Variants in MCC observed in about 807,000 individuals in gnomAD.
MCC encodes MCC regulator of Wnt signaling pathway.
MCC carries 90 observed loss-of-function variants against 116.2 expected under a neutral mutation model. The observed-to-expected ratio is 0.77, with a 90% CI of 0.65 to 0.92. MCC has a LOEUF of 0.92. Ranked by LOEUF, MCC falls within the 40% of genes least tolerant of loss-of-function variation. The probability of loss-of-function intolerance (pLI) is 0.00; values close to 1 mark genes in which losing one functional copy is unlikely to be tolerated. For missense variants in MCC, 1,516 were observed against 1,312.2 expected, an observed-to-expected ratio of 1.16 and a Z score of -2.40; for synonymous variants, 578 against 510.5, an observed-to-expected ratio of 1.13 and a Z score of -1.78.
intron 8 of MCC, among the ~76,000 whole-genome samples, chr5:113,095,829 C>A (rs7708630): frequency 0.16 from 24,875 of 151,948 alleles, 3,180 homozygotes; most frequent in African/African-American, 0.36. Flanking sequence ...GAGAGGAGTT[C>A]AGTCTGCAAA....
At chr5:113,302,616 A>T (rs925644849) in intron 3 of MCC, among the ~76,000 whole-genome samples, 2 of 152,196 alleles carry the variant, frequency 1.3e-5, no homozygotes, top group Non-Finnish European at 2.9e-5. Flanking sequence ...ATATTAAAAT[A>T]TTTAGGGGTA....
intron 3 of MCC, among the ~76,000 whole-genome samples, chr5:113,202,763 G>A (rs1762738677): frequency 6.9e-6 from 1 of 144,006 alleles, no homozygotes; most frequent in Non-Finnish European, 1.5e-5. Context: ...CAGCCCCAAT[G>A]CAGATGAAAG....
intron 1 of MCC, among the ~76,000 whole-genome samples, chr5:113,425,216 CA>C (rs1770450167): frequency 6.6e-6 from 1 of 152,142 alleles, no homozygotes; most frequent in Non-Finnish European, 1.5e-5. Flanking sequence ...CTTTTCATAG[CA>C]ATACTGAGTG....
chr5:113,389,703 C>T (rs867370197), intron 1 of MCC, among the ~76,000 whole-genome samples: 1 of 152,164 alleles, frequency 6.6e-6, no homozygotes, highest in South Asian at 2.1e-4. Context: ...TACGTCAATT[C>T]CCTTTGAGAT....
rs942493752 is a variant in MCC at position 113,171,892 on chromosome 5, C to A, written c.628-20470G>T. ...TACATGAGCCCCTACATAAGGAAGG[C>A]TCTCCCTTCTCACCCTCATGATCCA... On this transcript the variant is annotated intron_variant, in intron 3 of 18. Coordinates refer to ENST00000408903, the MANE Select transcript of MCC (RefSeq NM_001085377.2). 2.0e-4 allele frequency among the ~76,000 whole-genome samples: 31 copies of A among 152,192 alleles called. 1 individual carries two copies. The highest frequency in any genetic ancestry group is 7.3e-5 in the Non-Finnish European group (5 of 68,028).
chr5:113,109,597 C>T (rs1237864380), intron 6 of MCC, among the ~76,000 whole-genome samples: 1 of 152,018 alleles, frequency 6.6e-6, no homozygotes, highest in African/African-American at 2.4e-5. Flanking sequence ...TCTGTGAATG[C>T]CACTGAACTG....
chr5:113,366,714 T>A (rs1267963913), intron 2 of MCC, among the ~76,000 whole-genome samples: 8 of 152,222 alleles, frequency 5.3e-5, no homozygotes, highest in Non-Finnish European at 1.5e-5. Flanking sequence ...GATTTTAGAC[T>A]CATACATCTT....
Position 113,434,597 on chromosome 5 carries a change from T to A in MCC, c.171-49385A>T, listed in dbSNP as rs768566500. The A allele has an allele frequency of 4.3e-6, 7 of 1,613,890 alleles. No homozygotes were observed. Among genetic ancestry groups the A allele is most frequent in the Middle Eastern group, 1.6e-4 (1 of 6,062 alleles). On this transcript the variant is annotated intron_variant, in intron 1 of 18. Coordinates refer to ENST00000408903, the MANE Select transcript of MCC (RefSeq NM_001085377.2). The surrounding 1 kb of genome is among the most constrained non-coding windows in gnomAD (Gnocchi z 4.2). ...TGACGATGTAGACCTTGCCATGTGA[T>A]GTCTCAAAGATCTCGTAGGTCTTAA...
chr5:113,083,709 C>A (rs1244646801), intron 10 of MCC, among the ~76,000 whole-genome samples: 2 of 152,134 alleles, frequency 1.3e-5, no homozygotes, highest in Non-Finnish European at 2.9e-5. Flanking sequence ...CAACATTCCT[C>A]CTCAGTGGAA....
chr5:113,166,432 C>G (rs974200262), intron 3 of MCC, among the ~76,000 whole-genome samples: 1 of 152,142 alleles, frequency 6.6e-6, no homozygotes. Context: ...AAGCTTTTGC[C>G]TGATATCCAG....
At chr5:113,370,527 T>A (rs1239492259) in intron 2 of MCC, among the ~76,000 whole-genome samples, 2 of 152,210 alleles carry the variant, frequency 1.3e-5, no homozygotes, top group Non-Finnish European at 2.9e-5. Flanking sequence ...GTCTGATTCC[T>A]CTTTTTCTAA....
At chr5:113,219,765 C>G (rs1763468769) in intron 3 of MCC, among the ~76,000 whole-genome samples, 1 of 152,126 alleles carries the variant, frequency 6.6e-6, no homozygotes, top group Non-Finnish European at 1.5e-5. Flanking sequence ...CCACAGTGGA[C>G]AAGGTTTAGA....
chr5:113,081,623 G>A (rs1307440294), intron 11 of MCC, among the ~76,000 whole-genome samples: 1 of 152,048 alleles, frequency 6.6e-6, no homozygotes, highest in Non-Finnish European at 1.5e-5. Context: ...ATTGCAAAGG[G>A]CATATCTGAT....
intron 3 of MCC, among the ~76,000 whole-genome samples, chr5:113,202,989 C>G (rs141712954): frequency 7.9e-5 from 12 of 152,226 alleles, no homozygotes; most frequent in Admixed American, 3.3e-4. Context: ...ACCAGTAAAG[C>G]GCATACAATT....
chr5:113,430,334 C>G (rs1245165949), intron 1 of MCC, among the ~76,000 whole-genome samples: 2 of 152,168 alleles, frequency 1.3e-5, no homozygotes, highest in Non-Finnish European at 2.9e-5. Flanking sequence ...GGGCAGAGCA[C>G]TAGGTAAAGT....
At position 113,170,510 on chromosome 5, in the gene MCC, C is replaced by T. The variant is rs1187316130; in HGVS notation, c.628-19088G>A. 2.6e-5 allele frequency among the ~76,000 whole-genome samples: 4 copies of T among 152,196 alleles called. No individual in the cohort carries two copies. The East Asian group carries it at 7.7e-4, about 29-fold the overall frequency. ...CCAGCCTTTGCTATGCACACCCACCCATGTCCCTATCTGCTTGTGGGAAGC... is the reference window on the plus strand; with the variant it reads ...CCAGCCTTTGCTATGCACACCCACCTATGTCCCTATCTGCTTGTGGGAAGC... On this transcript the variant is annotated intron_variant, in intron 3 of 18. Coordinates refer to ENST00000408903, the MANE Select transcript of MCC (RefSeq NM_001085377.2).
At chr5:113,260,367 G>A (rs1478336313) in intron 3 of MCC, among the ~76,000 whole-genome samples, 3 of 152,048 alleles carry the variant, frequency 2.0e-5, no homozygotes, top group African/African-American at 7.2e-5. Context: ...TCTCTTCAAT[G>A]TCCTGCTTAA....
chr5:113,099,055 G>A (rs1260095504), intron 8 of MCC, among the ~76,000 whole-genome samples: 1 of 151,796 alleles, frequency 6.6e-6, no homozygotes, highest in Non-Finnish European at 1.5e-5. Flanking sequence ...GTGACGGCTG[G>A]AAGAAGACTT....
At position 113,187,063 on chromosome 5, in the gene MCC, T is replaced by G. The variant is rs187194617; in HGVS notation, c.628-35641A>C. On this transcript the variant is annotated intron_variant, in intron 3 of 18. Transcript: ENST00000408903. ...GCTGGCCTATAAGATACAGGATACT[T>G]TGAGGCTCCTCAACATCTGCCCCAA... Among the ~76,000 whole-genome samples, 971 of 152,324 alleles carry G rather than the reference T, an allele frequency of 6.4e-3. 22 individuals are homozygous for G. Among genetic ancestry groups the G allele is most frequent in the Non-Finnish European group, 6.8e-3 (463 of 68,028 alleles).
Sources: gnomAD v4.1 joint callset for allele counts (sites outside exome capture counted in the v4.1 genomes callset) on GRCh38, gnomAD v4.1.1 for gene constraint, Gnocchi (gnomAD v3.1) non-coding constraint, MANE v1.5 for transcripts, NCBI Gene and HGNC (gene_info 2026-07-23, HGNC 2026-07-21) for gene names.